AGMO: variants seen among roughly 807,000 people sequenced by gnomAD.
AGMO encodes the protein alkylglycerol monooxygenase, also known as glyceryl-ether monooxygenase.
Under a neutral mutation model 60.2 loss-of-function variants are expected in AGMO, and 75 were observed. That is an observed-to-expected ratio of 1.25 (90% CI 1.03 to 1.51). AGMO has a LOEUF of 1.51. AGMO is among the 40% of genes most tolerant of loss of function. The pLI is 0.00. For missense variants in AGMO, 763 were observed against 525.5 expected (o/e 1.45, Z -4.42); for synonymous variants, 261 against 177.1 (o/e 1.47, Z -3.76).
intron 3 of AGMO, among the ~76,000 whole-genome samples, chr7:15,523,547 C>G (rs1231770567): frequency 6.6e-6 from 1 of 152,092 alleles, no homozygotes; most frequent in African/African-American, 2.4e-5. Context: ...ATGGATGAAG[C>G]TGGAAACTAT....
chr7:15,154,829 A>C, the AGMO span, among the ~76,000 whole-genome samples: 3 of 152,168 alleles, frequency 2.0e-5, no homozygotes, highest in Admixed American at 1.3e-4. Flanking sequence ...CTGGTATGAA[A>C]GGATTTTATT....
intron 10 of AGMO, among the ~76,000 whole-genome samples, chr7:15,370,805 G>C (rs1241341318): frequency 1.3e-5 from 2 of 152,014 alleles, no homozygotes; most frequent in Admixed American, 1.3e-4. Flanking sequence ...TGTCAGATGG[G>C]TAGTTGGCAA....
chr7:15,352,304 G>A (rs934691174), intron 12 of AGMO, among the ~76,000 whole-genome samples: 5 of 151,980 alleles, frequency 3.3e-5, no homozygotes, highest in Admixed American at 6.6e-5. Context: ...TTTTTATGAC[G>A]GTAAATAAAC....
chr7:15,264,618 A>G (rs1783376926), intron 12 of AGMO, among the ~76,000 whole-genome samples: 2 of 152,152 alleles, frequency 1.3e-5, no homozygotes, highest in African/African-American at 4.8e-5. Context: ...AAAATGGGCA[A>G]AGGACATCAA....
chr7:15,354,390 G>GTA lies in AGMO; in HGVS notation c.1263+11122_1263+11123dup, dbSNP rs1236457185. 9.1e-3 allele frequency among the ~76,000 whole-genome samples: 340 copies of GTA among 37,538 alleles called. 27 individuals carry two copies. The highest frequency in any genetic ancestry group is 0.017 in the African/African-American group (76 of 4,354). The allele number at this position is 37,538 out of a possible 152,430, so 24.6% of individuals were successfully genotyped here. A position where few individuals can be genotyped will look rare whatever the true frequency, so the allele number is the denominator to read the frequency against. On this transcript the variant is annotated intron_variant, in intron 12 of 12. Transcript: ENST00000342526. ...TATAGACGTGTGTATACACGTGTGT[G>GTA]TATACACGTGTGTGTACACACGTGT... is the stretch of plus-strand genomic sequence containing the variant.
intron 3 of AGMO, among the ~76,000 whole-genome samples, chr7:15,542,343 T>G (rs1031670260): frequency 2.0e-5 from 3 of 152,184 alleles, no homozygotes; most frequent in African/African-American, 7.2e-5. Flanking sequence ...CTGGATTCAG[T>G]TCAAAATTTC....
intron 12 of AGMO, among the ~76,000 whole-genome samples, chr7:15,300,848 C>G (rs949458799): frequency 5.9e-5 from 9 of 152,164 alleles, no homozygotes; most frequent in Non-Finnish European, 1.0e-4. Flanking sequence ...AGCAAGCACT[C>G]TCTCCATGGC....
intron 12 of AGMO, among the ~76,000 whole-genome samples, chr7:15,346,142 TA>T (rs1471483710): frequency 6.6e-6 from 1 of 152,134 alleles, no homozygotes. Flanking sequence ...TTTTGCCATA[TA>T]AAAGCTATGC....
At chr7:15,209,402 T>A (rs201385733) in intron 12 of AGMO, among the ~76,000 whole-genome samples, 3 of 151,584 alleles carry the variant, frequency 2.0e-5, no homozygotes, top group East Asian at 1.9e-4. Flanking sequence ...GGTTTTTTTT[T>A]AGGGAAAAAA....
the AGMO span, among the ~76,000 whole-genome samples, chr7:15,183,574 T>A: frequency 5.9e-5 from 9 of 152,202 alleles, no homozygotes; most frequent in Non-Finnish European, 1.3e-4. Flanking sequence ...TCAACACTTT[T>A]GGTTCTTCTT....
At chr7:15,214,676 C>A (rs1781685296) in intron 12 of AGMO, among the ~76,000 whole-genome samples, 1 of 151,906 alleles carries the variant, frequency 6.6e-6, no homozygotes, top group African/African-American at 2.4e-5. Context: ...GTAGGGCTTG[C>A]TACTTTTTAT....
chr7:15,205,205 C>T (rs529280529), intron 12 of AGMO, among the ~76,000 whole-genome samples: 52 of 152,178 alleles, frequency 3.4e-4, no homozygotes, highest in African/African-American at 1.2e-3. Flanking sequence ...AATAAGCAAC[C>T]AGAAGAGAAA....
At chr7:15,179,901 A>G in the AGMO span, among the ~76,000 whole-genome samples, 2 of 152,170 alleles carry the variant, frequency 1.3e-5, no homozygotes, top group Admixed American at 6.5e-5. Context: ...GTTCACTTCA[A>G]CCATGGCTGG....
intron 12 of AGMO, among the ~76,000 whole-genome samples, chr7:15,345,870 A>G (rs1348793221): frequency 6.6e-6 from 1 of 151,064 alleles, no homozygotes; most frequent in African/African-American, 2.4e-5. Flanking sequence ...TTCCCTTACA[A>G]AATTGGTACT....
At chr7:15,489,105 T>C (rs545538676) in intron 3 of AGMO, among the ~76,000 whole-genome samples, 74 of 152,302 alleles carry the variant, frequency 4.9e-4, no homozygotes, top group Non-Finnish European at 8.1e-4. Flanking sequence ...CATGAACTCT[T>C]AGCTTTTAAT....
At chr7:15,337,218 C>T (rs1256650871) in intron 12 of AGMO, among the ~76,000 whole-genome samples, 1 of 152,120 alleles carries the variant, frequency 6.6e-6, no homozygotes, top group Admixed American at 6.6e-5. Flanking sequence ...TTCTAAATTC[C>T]TTTGTATTCA....
At chr7:15,209,111 T>A (rs1260508792) in intron 12 of AGMO, among the ~76,000 whole-genome samples, 1 of 152,184 alleles carries the variant, frequency 6.6e-6, no homozygotes, top group Non-Finnish European at 1.5e-5. Flanking sequence ...GTCGCCCATT[T>A]CCTCCCCAAT....
chr7:15,464,817 A>C, intron 3 of AGMO, among the ~76,000 whole-genome samples: 1 of 152,220 alleles, frequency 6.6e-6, no homozygotes, highest in Non-Finnish European at 1.5e-5. Context: ...GGGTAAGGCC[A>C]AAAAAGCAAT....
intron 12 of AGMO, among the ~76,000 whole-genome samples, chr7:15,296,249 C>T (rs1784401295): frequency 1.3e-5 from 2 of 152,138 alleles, no homozygotes; most frequent in South Asian, 4.2e-4. Flanking sequence ...AGATAGAGGT[C>T]CACTCTCTGC....
Sources: allele counts gnomAD v4.1 joint callset (sites outside exome capture counted in the v4.1 genomes callset), GRCh38; gene constraint gnomAD v4.1.1; transcripts MANE v1.5; gene names NCBI Gene and HGNC (gene_info 2026-07-23, HGNC 2026-07-21).